The following MINK1 variants were observed in gnomAD, a reference collection of about 807,000 sequenced individuals.
MINK1 encodes the protein misshapen-like kinase 1.
In MINK1, 46 loss-of-function variants were observed where a neutral mutation model predicts 178.4. That is an observed-to-expected ratio of 0.26 (90% CI 0.20 to 0.33). MINK1 has a LOEUF of 0.33. MINK1 is among the 10% of genes least tolerant of loss of function. The pLI is 1.00. For synonymous variants in MINK1, 797 were observed against 709.7 expected (o/e 1.12, Z -1.96); for missense variants, 1,366 against 1,814.9 (o/e 0.75, Z 4.49).
chr17:4,885,453 A>T lies in MINK1; in HGVS notation c.509-30A>T, dbSNP rs1968119729. On this transcript the variant is annotated intron_variant, in intron 6 of 31. Coordinates refer to ENST00000355280, the MANE Select transcript of MINK1 (RefSeq NM_153827.5). The surrounding 1 kb of genome is among the most constrained non-coding windows in gnomAD (Gnocchi z 5.0). ...GGCAAGGGAGCAGAGGTGACTCCCC[A>T]CACTGACCCCTCCCTCTGTGTCTTC... 3 of 1,611,370 alleles carry T rather than the reference A, an allele frequency of 1.9e-6. No homozygotes were observed. The African/African-American group carries it at 4.0e-5, about 22-fold the overall frequency.
At chr17:4,890,284 G>C in intron 13 of MINK1, 2 of 1,367,894 alleles carry the variant, frequency 1.5e-6, no homozygotes, top group Non-Finnish European at 9.4e-7. Flanking sequence ...AGCAACAGCT[G>C]CTCCAGGAAC....
At chr17:4,877,633 C>T (rs1001789304) in intron 1 of MINK1, among the ~76,000 whole-genome samples, 8 of 151,902 alleles carry the variant, frequency 5.3e-5, no homozygotes, top group African/African-American at 1.9e-4. Flanking sequence ...CAGGAACCAT[C>T]TGAAGCATTT....
intron 1 of MINK1, among the ~76,000 whole-genome samples, chr17:4,866,609 CAA>C (rs33971421): frequency 0.61 from 86,084 of 141,362 alleles, 27,294 homozygotes; most frequent in Non-Finnish European, 0.73. Flanking sequence ...CTGATTCTAC[CAA>C]AAAAAAAAAA....
intron 1 of MINK1, among the ~76,000 whole-genome samples, chr17:4,855,662 C>G (rs545497694): frequency 6.8e-4 from 100 of 147,742 alleles, no homozygotes; most frequent in African/African-American, 2.4e-3. Flanking sequence ...CCCAGCTACT[C>G]GGGAGGCTGA....
chr17:4,881,047 A>G lies in MINK1; in HGVS notation c.180+7A>G, dbSNP rs768041179. 6.5e-7 allele frequency: 1 copy of G among 1,533,212 alleles called. No homozygotes were observed. The highest frequency in any genetic ancestry group is 8.7e-7 in the Non-Finnish European group (1 of 1,144,622). The allele number at this position is 1,533,212 out of a possible 1,614,324, so 95.0% of individuals were successfully genotyped here. ...GGTCATGGATGTCACGGAGGTAGGG[A>G]GTGGAGCTGGGCAGTGGGAGGGTCG... On this transcript the variant is annotated splice_region_variant and intron_variant, in intron 3 of 31. Coordinates refer to ENST00000355280, the MANE Select transcript of MINK1 (RefSeq NM_153827.5).
rs767165934 is a variant in MINK1 at position 4,834,783 on chromosome 17, G to A, written c.57+1143G>A. 2.5e-5 allele frequency: 13 copies of A among 519,930 alleles called. No individual in the cohort carries two copies. In the East Asian group the frequency reaches 6.0e-4, roughly 24 times the overall value. 32.2% of individuals were successfully genotyped at this position (519,930 alleles called of 1,614,324 possible). A position where few individuals can be genotyped will look rare whatever the true frequency, so the allele number is the denominator to read the frequency against. On this transcript the variant is annotated intron_variant, in intron 1 of 31. Coordinates refer to ENST00000355280, the MANE Select transcript of MINK1 (RefSeq NM_153827.5). ...AGCAGGACTTCCCATCTCTAGGTTC[G>A]CTTCTCTGGAGGCCCCTGCTCAGAC...
intron 1 of MINK1, among the ~76,000 whole-genome samples, chr17:4,848,369 G>C (rs1016621044): frequency 6.6e-6 from 1 of 152,082 alleles, no homozygotes; most frequent in Admixed American, 6.6e-5. Context: ...AGTGTTTGGG[G>C]GTATTTTTTG....
chr17:4,834,722 C>T (rs1181805772), intron 1 of MINK1: 2 of 519,282 alleles, frequency 3.9e-6, no homozygotes, highest in Non-Finnish European at 7.7e-6. Context: ...GATCCTGTGC[C>T]CTTCCAGCGC....
At chr17:4,855,769 CAA>C (rs1226267230) in intron 1 of MINK1, among the ~76,000 whole-genome samples, 10 of 50,030 alleles carry the variant, frequency 2.0e-4, no homozygotes, top group Admixed American at 2.3e-4. Flanking sequence ...GACTCCGTCT[CAA>C]AAAAAAAAAA....
At chr17:4,851,503 C>T (rs1478429868) in intron 1 of MINK1, among the ~76,000 whole-genome samples, 1 of 152,188 alleles carries the variant, frequency 6.6e-6, no homozygotes, top group Non-Finnish European at 1.5e-5. Flanking sequence ...GTCTGCCCCC[C>T]TGCGATGGGG....
At chr17:4,850,346 C>T (rs576208240) in intron 1 of MINK1, among the ~76,000 whole-genome samples, 1 of 152,264 alleles carries the variant, frequency 6.6e-6, no homozygotes, top group African/African-American at 2.4e-5. Context: ...CATGTTTGCT[C>T]CATCCTGCTG....
chr17:4,889,771 G>A lies in MINK1; in HGVS notation c.1347+8G>A, dbSNP rs762195311. 6.6e-7 allele frequency: 1 copy of A among 1,523,080 alleles called. No individual in the cohort carries two copies. The highest frequency in any genetic ancestry group is 8.8e-7 in the Non-Finnish European group (1 of 1,137,680). 94.3% of individuals were successfully genotyped at this position (1,523,080 alleles called of 1,614,324 possible). ...CAGGCGGAGCGCGAGCAGGTAGAGCGCCGCACCCGCATCCCTGCCCTCCCG... is the reference window on the plus strand; with the variant it reads ...CAGGCGGAGCGCGAGCAGGTAGAGCACCGCACCCGCATCCCTGCCCTCCCG... On this transcript the variant is annotated splice_region_variant and intron_variant, in intron 13 of 31. Coordinates refer to ENST00000355280, the MANE Select transcript of MINK1 (RefSeq NM_153827.5).
Position 4,833,453 on chromosome 17 carries a change from C to T in MINK1, c.-131C>T. ...GGTCCTCGCGCCGGCCCTCCCCCTC[C>T]CCGGTCTCCGGGGGAGGCGCGGTGG... On this transcript the variant is annotated 5_prime_UTR_variant, in exon 1 of 32. Coordinates refer to ENST00000355280, the MANE Select transcript of MINK1 (RefSeq NM_153827.5). The surrounding 1 kb of genome is among the most constrained non-coding windows in gnomAD (Gnocchi z 4.8). 1.4e-6 allele frequency: 1 copy of T among 700,428 alleles called. No individual in the cohort carries two copies. Among genetic ancestry groups the T allele is most frequent in the African/African-American group, 1.9e-5 (1 of 52,672 alleles). 43.4% of individuals were successfully genotyped at this position (700,428 alleles called of 1,614,324 possible).
Position 4,897,084 on chromosome 17 carries a change from C to T in MINK1, c.3916-120C>T, listed in dbSNP as rs1459415685. 5.3e-6 allele frequency: 5 copies of T among 935,580 alleles called. No individual in the cohort carries two copies. The Admixed American group carries it at 6.4e-5, about 12-fold the overall frequency. 58.0% of individuals were successfully genotyped at this position (935,580 alleles called of 1,614,324 possible). A position where few individuals can be genotyped will look rare whatever the true frequency, so the allele number is the denominator to read the frequency against. ...GGGTGAGGGGCACTGTGAGTCTCCT[C>T]CTGCAGTCTCTGTGTCTCCCTCAAC... On this transcript the variant is annotated intron_variant, in intron 31 of 31. Coordinates refer to ENST00000355280, the MANE Select transcript of MINK1 (RefSeq NM_153827.5).
At chr17:4,850,527 C>T (rs1406188168) in intron 1 of MINK1, among the ~76,000 whole-genome samples, 5 of 151,112 alleles carry the variant, frequency 3.3e-5, no homozygotes, top group South Asian at 2.1e-4. Context: ...TGGCCCCCCC[C>T]GCCCTCTACC....
intron 1 of MINK1, among the ~76,000 whole-genome samples, chr17:4,876,234 G>A (rs897065143): frequency 6.6e-6 from 1 of 152,196 alleles, no homozygotes. Flanking sequence ...TCCCGAGCAG[G>A]CTGGGCTGTT....
At chr17:4,858,014 T>C (rs1232926411) in intron 1 of MINK1, among the ~76,000 whole-genome samples, 1 of 152,164 alleles carries the variant, frequency 6.6e-6, no homozygotes, top group Non-Finnish European at 1.5e-5. Flanking sequence ...CTGTGGTGGC[T>C]TCAGAATATC....
Position 4,871,904 on chromosome 17 carries a change from T to G in MINK1, c.58-6413T>G, listed in dbSNP as rs181744152. Among the ~76,000 whole-genome samples the G allele has an allele frequency of 2.0e-5, 3 of 152,244 alleles. No homozygotes were observed. In the East Asian group the frequency reaches 5.8e-4, roughly 29 times the overall value. Reference sequence around the variant, plus strand: ...CTCTGTTGCCCAGGCTGAAGTACAGTGGCATGACCATAGCTCACTGTAGCC... The same window carrying G: ...CTCTGTTGCCCAGGCTGAAGTACAGGGGCATGACCATAGCTCACTGTAGCC... On this transcript the variant is annotated intron_variant, in intron 1 of 31. Transcript: ENST00000355280.
At chr17:4,870,715 C>T (rs905580676) in intron 1 of MINK1, among the ~76,000 whole-genome samples, 1 of 152,008 alleles carries the variant, frequency 6.6e-6, no homozygotes, top group African/African-American at 2.4e-5. Context: ...GTCCCAGCTA[C>T]TTGGGAGTTT....
Sources: allele counts gnomAD v4.1 joint callset (sites outside exome capture counted in the v4.1 genomes callset), GRCh38; gene constraint gnomAD v4.1.1; non-coding constraint Gnocchi (gnomAD v3.1); transcripts MANE v1.5; gene names NCBI Gene and HGNC (gene_info 2026-07-23, HGNC 2026-07-21).